DGKH: variants seen among roughly 807,000 people sequenced by gnomAD.
DGKH encodes DAG kinase eta.
DGKH carries 90 observed loss-of-function variants against 159.3 expected under a neutral mutation model. That is an observed-to-expected ratio of 0.57 (90% confidence interval 0.48 to 0.67). The LOEUF (loss-of-function observed/expected upper bound fraction) is 0.67. Ranked by LOEUF, DGKH falls within the 30% of genes least tolerant of loss-of-function variation. The pLI is 0.00. For synonymous variants in DGKH, 536 were observed against 553.8 expected, an observed-to-expected ratio of 0.97 and a Z score of 0.45; for missense variants, 1,181 against 1,506.1, an observed-to-expected ratio of 0.78 and a Z score of 3.57.
Position 42,129,631 on chromosome 13 carries a change from C to T in DGKH, c.383C>T (p.Thr128Met). ...ASTKNANNSF[T>M]IITPFRRLML... ...ACGAAAAATGCTAACAACAGCTTCACGGTATGGTTATATTCTGCTAACTCC... is the reference window on the plus strand; with the variant it reads ...ACGAAAAATGCTAACAACAGCTTCATGGTATGGTTATATTCTGCTAACTCC... The change falls in exon 3 of 30, where the codon ACG (threonine) becomes ATG (methionine). Residue 128 changes from threonine (T) to methionine (M), a missense_variant and splice_region_variant. Around this residue, in one of 5 missense-constraint regions of DGKH, gnomAD observed 369 missense variants for 519.4 expected, o/e 0.71. Coordinates refer to ENST00000337343, the MANE Select transcript of DGKH (RefSeq NM_178009.5). The T allele has an allele frequency of 6.2e-7, 1 of 1,610,554 alleles. No individual in the cohort carries two copies. Among genetic ancestry groups the T allele is most frequent in the Non-Finnish European group, 8.5e-7 (1 of 1,178,056 alleles).
chr13:42,177,303 G>T (rs1367234346), intron 12 of DGKH, among the ~76,000 whole-genome samples: 1 of 152,052 alleles, frequency 6.6e-6, no homozygotes, highest in Non-Finnish European at 1.5e-5. Flanking sequence ...ATTTGTTTCT[G>T]GATTCTTTCA....
intron 1 of DGKH, among the ~76,000 whole-genome samples, chr13:42,040,564 C>A (rs962777980): frequency 6.6e-6 from 1 of 151,148 alleles, no homozygotes; most frequent in African/African-American, 2.4e-5. Context: ...GAGGAAGGAG[C>A]GAGGGGCGGA....
intron 16 of DGKH, among the ~76,000 whole-genome samples, chr13:42,191,990 A>G (rs1162726457): frequency 2.0e-5 from 3 of 152,140 alleles, no homozygotes; most frequent in Non-Finnish European, 4.4e-5. Flanking sequence ...ATAATAATCT[A>G]CCTACTTCAT....
chr13:42,157,193 T>C (rs1212493761), intron 5 of DGKH, among the ~76,000 whole-genome samples: 1 of 152,186 alleles, frequency 6.6e-6, no homozygotes, highest in African/African-American at 2.4e-5. Context: ...CTGATTGGCC[T>C]GTATTATGAC....
At chr13:42,130,878 T>C (rs145234250) in intron 3 of DGKH, among the ~76,000 whole-genome samples, 42 of 152,026 alleles carry the variant, frequency 2.8e-4, no homozygotes, top group African/African-American at 9.6e-4. Context: ...TGGGAAAATG[T>C]TAAAATTCAA....
intron 1 of DGKH, among the ~76,000 whole-genome samples, chr13:42,067,073 G>A (rs1298817207): frequency 1.3e-5 from 2 of 151,996 alleles, no homozygotes; most frequent in African/African-American, 4.8e-5. Flanking sequence ...GAAATTATAT[G>A]TTGATTAATT....
chr13:42,212,003 C>A (rs1246789771), intron 24 of DGKH, among the ~76,000 whole-genome samples: 1 of 152,124 alleles, frequency 6.6e-6, no homozygotes, highest in Non-Finnish European at 1.5e-5. Context: ...GGGGACACAG[C>A]CAAACGATAT....
intron 21 of DGKH, among the ~76,000 whole-genome samples, chr13:42,206,680 A>T (rs1957480975): frequency 6.6e-6 from 1 of 152,056 alleles, no homozygotes; most frequent in African/African-American, 2.4e-5. Flanking sequence ...GGCTGCCCAC[A>T]TTCCCCTCCA....
intron 1 of DGKH, among the ~76,000 whole-genome samples, chr13:42,092,610 A>G (rs995261885): frequency 2.6e-5 from 4 of 152,174 alleles, no homozygotes; most frequent in African/African-American, 9.7e-5. Context: ...ACGGGGAGGG[A>G]GAGGATGAAA....
At chr13:42,172,122 C>T (rs1263087684) in intron 11 of DGKH, among the ~76,000 whole-genome samples, 1 of 150,626 alleles carries the variant, frequency 6.6e-6, no homozygotes. Context: ...GCCACCACAC[C>T]CAGCCTCTTT....
intron 16 of DGKH, among the ~76,000 whole-genome samples, chr13:42,193,668 C>T (rs191029211): frequency 6.6e-6 from 1 of 152,244 alleles, no homozygotes; most frequent in East Asian, 1.9e-4. Flanking sequence ...CAGAGTTGAA[C>T]ATCAAAAAGT....
chr13:42,207,693 G>GTATATATATATATATATATATA lies in DGKH; in HGVS notation c.2602-1265_2602-1264insATATATATATATATATATATAT, dbSNP rs368253963. Among the ~76,000 whole-genome samples, 321 of 126,410 alleles carry GTATATATATATATATATATATA rather than the reference G, an allele frequency of 2.5e-3. 7 individuals carry two copies. The highest frequency in any genetic ancestry group is 0.013 in the South Asian group (45 of 3,462). 82.9% of individuals were successfully genotyped at this position (126,410 alleles called of 152,430 possible). On this transcript the variant is annotated intron_variant, in intron 21 of 29. Transcript: ENST00000337343. ...AAAGAGAGGGCACAATTATTAAAGT[G>GTATATATATATATATATATATA]TGTATATATATATATATATATATCA...
intron 5 of DGKH, among the ~76,000 whole-genome samples, chr13:42,156,294 A>G (rs1164944340): frequency 3.9e-5 from 6 of 152,116 alleles, no homozygotes; most frequent in African/African-American, 7.2e-5. Flanking sequence ...CCATCCTGGA[A>G]TGCAGTGGCA....
At chr13:42,046,520 G>A (rs1880802825), upstream of DGKH, among the ~76,000 whole-genome samples, 1 of 152,194 alleles carries the variant, frequency 6.6e-6, no homozygotes, top group Non-Finnish European at 1.5e-5. Context: ...AAATCTTTAT[G>A]AGAAAGGAAT....
Position 42,227,085 on chromosome 13 carries a change from A to G in DGKH, c.3574-2014A>G, listed in dbSNP as rs899979312. On this transcript the variant is annotated intron_variant, in intron 29 of 29. Transcript: ENST00000337343. ...AACACATAGACACAGGGAGGGGAAC[A>G]ACATACACTGGGTCCTGTTGTGGGG... is the stretch of plus-strand genomic sequence containing the variant. Among the ~76,000 whole-genome samples, 25 of 152,120 alleles carry G rather than the reference A, an allele frequency of 1.6e-4. 1 individual carries two copies. The highest frequency in any genetic ancestry group is 1.5e-5 in the Non-Finnish European group (1 of 68,028).
chr13:42,084,414 G>A (rs1954265093), intron 1 of DGKH, among the ~76,000 whole-genome samples: 1 of 152,036 alleles, frequency 6.6e-6, no homozygotes, highest in South Asian at 2.1e-4. Flanking sequence ...ATATAAGAGT[G>A]CTTGTGTGTT....
upstream of DGKH, among the ~76,000 whole-genome samples, chr13:42,045,507 A>T (rs1021141423): frequency 1.3e-5 from 2 of 152,214 alleles, no homozygotes; most frequent in African/African-American, 4.8e-5. Flanking sequence ...TACGAGGATG[A>T]CCATATGTAT....
intron 3 of DGKH, among the ~76,000 whole-genome samples, chr13:42,152,463 A>G (rs1955929628): frequency 6.6e-6 from 1 of 150,380 alleles, no homozygotes; most frequent in African/African-American, 2.4e-5. Context: ...ACACACATAT[A>G]TATACATACA....
chr13:42,074,459 A>G (rs2137701817), intron 1 of DGKH, among the ~76,000 whole-genome samples: 1 of 152,314 alleles, frequency 6.6e-6, no homozygotes, highest in Admixed American at 6.5e-5. Context: ...AATAAAGGAA[A>G]TATTTGCAAA....
Sources: allele counts gnomAD v4.1 joint callset (sites outside exome capture counted in the v4.1 genomes callset), GRCh38; gene constraint gnomAD v4.1.1; regional missense constraint gnomAD v4.1.1; transcripts MANE v1.5; gene names NCBI Gene and HGNC (gene_info 2026-07-23, HGNC 2026-07-21).